ZRANB3: variants seen among roughly 807,000 people sequenced by gnomAD.
ZRANB3 encodes DNA annealing helicase and endonuclease ZRANB3.
In ZRANB3, 125 loss-of-function variants were observed where a neutral mutation model predicts 133.8. The observed-to-expected ratio is 0.93, with a 90% CI of 0.81 to 1.08. The LOEUF (loss-of-function observed/expected upper bound fraction) is 1.08, where lower values mean the gene tolerates loss of function less well. Among genes scored for constraint, ZRANB3 ranks in the 50% least tolerant of loss-of-function variants. The probability of loss-of-function intolerance (pLI) is 0.00; values close to 1 mark genes in which losing one functional copy is unlikely to be tolerated. For missense variants in ZRANB3, 1,229 were observed against 1,275.5 expected, an observed-to-expected ratio of 0.96 and a Z score of 0.56; for synonymous variants, 387 against 432.7, an observed-to-expected ratio of 0.89 and a Z score of 1.31.
intron 2 of ZRANB3, among the ~76,000 whole-genome samples, chr2:135,490,000 G>C (rs1195206412): frequency 6.6e-6 from 1 of 152,098 alleles, no homozygotes; most frequent in African/African-American, 2.4e-5. Flanking sequence ...AAGAAAAAGA[G>C]AAACACAAAG....
intron 12 of ZRANB3, among the ~76,000 whole-genome samples, chr2:135,261,810 G>A (rs1679978053): frequency 6.6e-6 from 1 of 151,972 alleles, no homozygotes; most frequent in Non-Finnish European, 1.5e-5. Flanking sequence ...TTTTAAAATA[G>A]CTAGGATTTC....
intron 2 of ZRANB3, among the ~76,000 whole-genome samples, chr2:135,429,438 G>A (rs1689226898): frequency 1.3e-5 from 2 of 152,090 alleles, no homozygotes; most frequent in South Asian, 4.1e-4. Context: ...TCACTTAGAT[G>A]TCAAAATAAT....
At chr2:135,254,897 C>T (rs546033805) in intron 12 of ZRANB3, among the ~76,000 whole-genome samples, 1 of 152,014 alleles carries the variant, frequency 6.6e-6, no homozygotes, top group Admixed American at 6.5e-5. Context: ...ACTACAGGCA[C>T]ACACCGCCAC....
chr2:135,386,956 G>GTT (rs1477523480), intron 3 of ZRANB3, among the ~76,000 whole-genome samples: 3 of 150,842 alleles, frequency 2.0e-5, no homozygotes, highest in Non-Finnish European at 4.4e-5. Flanking sequence ...AAACCTGCAC[G>GTT]TTTTGCGCAG....
chr2:135,267,258 T>TG (rs1435010733), intron 11 of ZRANB3, among the ~76,000 whole-genome samples: 6 of 152,164 alleles, frequency 3.9e-5, no homozygotes, highest in African/African-American at 1.4e-4. Context: ...GGCTTCTTGC[T>TG]GGTGGGTACC....
chr2:135,250,594 C>T (rs560285048), intron 12 of ZRANB3, among the ~76,000 whole-genome samples: 1 of 152,314 alleles, frequency 6.6e-6, no homozygotes, highest in South Asian at 2.1e-4. Flanking sequence ...GGACTTGGTT[C>T]CCTGCATCCC....
At chr2:135,285,845 G>A (rs1244980814) in intron 8 of ZRANB3, among the ~76,000 whole-genome samples, 1 of 151,976 alleles carries the variant, frequency 6.6e-6, no homozygotes, top group Non-Finnish European at 1.5e-5. Context: ...TTTTTTTCTA[G>A]GAGAATATTA....
At chr2:135,273,129 C>T (rs1680615807) in intron 9 of ZRANB3, among the ~76,000 whole-genome samples, 1 of 147,518 alleles carries the variant, frequency 6.8e-6, no homozygotes, top group Non-Finnish European at 1.5e-5. Flanking sequence ...GAGCTTGCAG[C>T]GAGTGGAGAT....
intron 12 of ZRANB3, among the ~76,000 whole-genome samples, chr2:135,242,960 T>C (rs1180057068): frequency 6.6e-6 from 1 of 152,222 alleles, no homozygotes; most frequent in African/African-American, 2.4e-5. Context: ...GCTCATTACA[T>C]TGTCTCTGTT....
intron 2 of ZRANB3, among the ~76,000 whole-genome samples, chr2:135,399,894 A>C (rs1233172907): frequency 6.6e-6 from 1 of 152,158 alleles, no homozygotes; most frequent in Non-Finnish European, 1.5e-5. Context: ...TTTTTCGAAA[A>C]GGTTTTCGTA....
chr2:135,419,353 T>C (rs59356434), intron 2 of ZRANB3, among the ~76,000 whole-genome samples: 10,470 of 152,050 alleles, frequency 0.069, 755 homozygotes, highest in African/African-American at 0.18. Context: ...AAATCAATCG[T>C]AGGTTATATG....
intron 1 of ZRANB3, among the ~76,000 whole-genome samples, chr2:135,522,610 G>A (rs1693995971): frequency 6.6e-6 from 1 of 152,098 alleles, no homozygotes; most frequent in South Asian, 2.1e-4. Context: ...GACCAGCCTG[G>A]CCAACATAGT....
Position 135,373,153 on chromosome 2 carries a change from C to T in ZRANB3, c.180+17649G>A, listed in dbSNP as rs550761497. Among the ~76,000 whole-genome samples the T allele has an allele frequency of 2.0e-5, 3 of 151,284 alleles. No homozygotes were observed. The East Asian group carries it at 5.8e-4, about 29-fold the overall frequency. ...CTTTTTTCTGACTAGTTCAAGTGAT[C>T]TTAAGTCAACATAAAGAATAAATTA... is the stretch of plus-strand genomic sequence containing the variant. On this transcript the variant is annotated intron_variant, in intron 3 of 20. Coordinates refer to ENST00000264159, the MANE Select transcript of ZRANB3 (RefSeq NM_032143.4).
intron 3 of ZRANB3, among the ~76,000 whole-genome samples, chr2:135,382,680 A>G (rs1233480858): frequency 1.3e-5 from 2 of 151,974 alleles, no homozygotes; most frequent in East Asian, 1.9e-4. Context: ...ACTGGGGGCC[A>G]ATATTCAACA....
intron 1 of ZRANB3, among the ~76,000 whole-genome samples, chr2:135,518,951 G>A (rs1465235311): frequency 6.6e-6 from 1 of 152,150 alleles, no homozygotes; most frequent in Non-Finnish European, 1.5e-5. Context: ...GGGAGAATTT[G>A]GAGCTGATTG....
At chr2:135,392,800 T>G (rs1268756635) in intron 2 of ZRANB3, among the ~76,000 whole-genome samples, 1 of 151,948 alleles carries the variant, frequency 6.6e-6, no homozygotes, top group Non-Finnish European at 1.5e-5. Context: ...AGTAAATAAA[T>G]TACCAATGAA....
chr2:135,255,465 A>G (rs988396674), intron 12 of ZRANB3, among the ~76,000 whole-genome samples: 2 of 152,270 alleles, frequency 1.3e-5, no homozygotes, highest in East Asian at 1.9e-4. Flanking sequence ...TTTTCTGCCT[A>G]TAAAACTCAC....
Position 135,353,532 on chromosome 2 carries a change from G to C in ZRANB3, c.277C>G (p.Pro93Ala). Residue 93 changes from proline (P) to alanine (A), a missense_variant, in exon 4 of 21, where the codon CCT becomes GCT. Physicochemically the swap from Pro to Ala is conservative, Grantham distance 27. Transcript: ENST00000264159. Reference protein sequence around the residue: ...LIVVPSSLRYPWTEEIEKWIP... With the variant: ...LIVVPSSLRYAWTEEIEKWIP... ...CATTTTTCAATTTCTTCTGTCCAAG[G>C]GTACCTCAGAGACGAAGGGACCACT... 6.2e-7 allele frequency: 1 copy of C among 1,610,784 alleles called. No individual in the cohort carries two copies.
chr2:135,518,063 G>A (rs1693773915), intron 1 of ZRANB3, among the ~76,000 whole-genome samples: 1 of 152,132 alleles, frequency 6.6e-6, no homozygotes, highest in South Asian at 2.1e-4. Flanking sequence ...CACCGTGAGG[G>A]GAAAACCGCC....
Sources: gnomAD v4.1 joint callset for allele counts (sites outside exome capture counted in the v4.1 genomes callset) on GRCh38, gnomAD v4.1.1 for gene constraint, MANE v1.5 for transcripts, NCBI Gene and HGNC (gene_info 2026-07-23, HGNC 2026-07-21) for gene names.